RAB38: variants seen among roughly 807,000 people sequenced by gnomAD.
The protein encoded by RAB38 is RAB38, member RAS oncogene family, also known as ras-related protein Rab-38.
In RAB38, 15 loss-of-function variants were observed where a neutral mutation model predicts 18.4. The ratio of observed to expected loss-of-function variants is 0.82; its 90% CI spans 0.55 to 1.26. The LOEUF is 1.26. Ranked by LOEUF, RAB38 falls within the 50% of genes most tolerant of loss-of-function variation. The pLI is 0.00. For synonymous variants in RAB38, 101 were observed against 104.4 expected, an observed-to-expected ratio of 0.97 and a Z score of 0.20; for missense variants, 294 against 267.4, an observed-to-expected ratio of 1.10 and a Z score of -0.69.
chr11:87,846,774 G>A, the RAB38 span, among the ~76,000 whole-genome samples: 3 of 151,978 alleles, frequency 2.0e-5, no homozygotes, highest in African/African-American at 7.2e-5. Flanking sequence ...CATACACTGA[G>A]ACTACAATCT....
At chr11:88,043,489 A>G in the RAB38 span, among the ~76,000 whole-genome samples, 4 of 152,102 alleles carry the variant, frequency 2.6e-5, no homozygotes, top group African/African-American at 9.7e-5. Context: ...TAACAGAAGA[A>G]TGACAAAAGA....
the RAB38 span, among the ~76,000 whole-genome samples, chr11:88,041,700 T>A: frequency 6.6e-6 from 1 of 152,242 alleles, no homozygotes; most frequent in Admixed American, 6.5e-5. Flanking sequence ...AATCTGAAAA[T>A]CATGTGTCTC....
At chr11:87,961,577 T>C in the RAB38 span, among the ~76,000 whole-genome samples, 1 of 152,120 alleles carries the variant, frequency 6.6e-6, no homozygotes. Flanking sequence ...CAACTCCAAC[T>C]AGATTTGATT....
intron 2 of RAB38, among the ~76,000 whole-genome samples, chr11:88,146,726 C>G (rs1942991558): frequency 6.6e-6 from 1 of 152,202 alleles, no homozygotes; most frequent in South Asian, 2.1e-4. Context: ...TAACCTGGCA[C>G]AGGCAAGCCG....
At chr11:87,949,474 G>T in the RAB38 span, among the ~76,000 whole-genome samples, 9 of 152,262 alleles carry the variant, frequency 5.9e-5, 1 homozygote, top group South Asian at 1.9e-3. Flanking sequence ...TCTTTTAAAT[G>T]TGATGTTAGG....
At chr11:88,154,732 G>A (rs1006376107) in intron 1 of RAB38, among the ~76,000 whole-genome samples, 1 of 152,222 alleles carries the variant, frequency 6.6e-6, no homozygotes, top group Non-Finnish European at 1.5e-5. Flanking sequence ...CAGTCTTCCT[G>A]TGCAGTCAGC....
At chr11:88,023,824 G>A in the RAB38 span, among the ~76,000 whole-genome samples, 1 of 151,962 alleles carries the variant, frequency 6.6e-6, no homozygotes, top group African/African-American at 2.4e-5. Context: ...AATGATGCTG[G>A]GAAAACTGGA....
the RAB38 span, among the ~76,000 whole-genome samples, chr11:88,088,904 G>T: frequency 6.6e-6 from 1 of 151,252 alleles, no homozygotes; most frequent in East Asian, 2.0e-4. Flanking sequence ...TTAGCATCAG[G>T]CTACAATAAT....
intron 2 of RAB38, among the ~76,000 whole-genome samples, chr11:88,125,981 C>T (rs1942690531): frequency 6.6e-6 from 1 of 152,124 alleles, no homozygotes; most frequent in Non-Finnish European, 1.5e-5. Context: ...GAATCCTTTC[C>T]CCATTTCTTG....
the RAB38 span, among the ~76,000 whole-genome samples, chr11:88,036,915 C>T: frequency 1.3e-5 from 2 of 151,976 alleles, no homozygotes; most frequent in African/African-American, 4.8e-5. Flanking sequence ...ACTTAGGATT[C>T]TTGAATCAAT....
At chr11:87,900,296 T>G in the RAB38 span, among the ~76,000 whole-genome samples, 3 of 151,500 alleles carry the variant, frequency 2.0e-5, no homozygotes, top group African/African-American at 7.2e-5. Flanking sequence ...ATTGAGAGTA[T>G]CAGCTAACAA....
At chr11:88,030,072 A>T in the RAB38 span, among the ~76,000 whole-genome samples, 1 of 152,142 alleles carries the variant, frequency 6.6e-6, no homozygotes, top group African/African-American at 2.4e-5. Flanking sequence ...AGGATTAAGA[A>T]TCTCACTCAA....
At chr11:87,886,122 C>A in the RAB38 span, among the ~76,000 whole-genome samples, 86 of 151,946 alleles carry the variant, frequency 5.7e-4, no homozygotes, top group African/African-American at 2.0e-3. Context: ...GTTCGATCAC[C>A]AATAAATAGC....
chr11:88,012,024 G>T, the RAB38 span, among the ~76,000 whole-genome samples: 1 of 152,174 alleles, frequency 6.6e-6, no homozygotes, highest in Non-Finnish European at 1.5e-5. Context: ...CAAACAGTGT[G>T]ACATTCACCT....
At chr11:87,923,565 GTGTGTGTGTGCA>G in the RAB38 span, among the ~76,000 whole-genome samples, 1 of 151,122 alleles carries the variant, frequency 6.6e-6, no homozygotes, top group African/African-American at 2.5e-5. Flanking sequence ...GTGTGTGTGT[GTGTGTGTGTGCA>G]TGTGTGTGTG....
the RAB38 span, among the ~76,000 whole-genome samples, chr11:87,865,364 TAAAAG>T: frequency 5.3e-5 from 8 of 151,214 alleles, no homozygotes; most frequent in South Asian, 1.7e-3. Context: ...AAGGAAAAAA[TAAAAG>T]GAAATAAACA....
the RAB38 span, among the ~76,000 whole-genome samples, chr11:87,804,129 A>G: frequency 1.3e-5 from 2 of 152,232 alleles, no homozygotes; most frequent in African/African-American, 4.8e-5. Flanking sequence ...ATTTCTTGGT[A>G]TATTTACATC....
At chr11:87,901,672 A>G in the RAB38 span, among the ~76,000 whole-genome samples, 2 of 151,558 alleles carry the variant, frequency 1.3e-5, no homozygotes, top group African/African-American at 4.8e-5. Context: ...CAAATCCCAC[A>G]CCGGTTCAAC....
At chr11:88,052,304 T>C in the RAB38 span, among the ~76,000 whole-genome samples, 1 of 152,114 alleles carries the variant, frequency 6.6e-6, no homozygotes, top group Non-Finnish European at 1.5e-5. Context: ...GATCTATAGG[T>C]CAAAAGCAAG....
Sources: allele counts gnomAD v4.1 joint callset (sites outside exome capture counted in the v4.1 genomes callset), GRCh38; gene constraint gnomAD v4.1.1; transcripts MANE v1.5; gene names NCBI Gene and HGNC (gene_info 2026-07-23, HGNC 2026-07-21).